Variants in ZMAT4 observed in about 807,000 individuals in gnomAD.
ZMAT4 encodes zinc finger matrin-type 4.
ZMAT4 carries 17 observed loss-of-function variants against 28.7 expected under a neutral mutation model. That is an observed-to-expected ratio of 0.59 (90% CI 0.41 to 0.89). The LOEUF (loss-of-function observed/expected upper bound fraction) is 0.89, where lower values mean the gene tolerates loss of function less well. ZMAT4 is among the 40% of genes least tolerant of loss of function. The pLI is 0.00. For missense variants in ZMAT4, 240 were observed against 283.8 expected (o/e 0.85, Z 1.11); for synonymous variants, 117 against 109.2 (o/e 1.07, Z -0.44).
intron 2 of ZMAT4, among the ~76,000 whole-genome samples, chr8:40,824,054 T>C (rs1459121031): frequency 6.6e-6 from 1 of 152,176 alleles, no homozygotes; most frequent in African/African-American, 2.4e-5. Flanking sequence ...GCAGGGCCCA[T>C]TGACTGTCTT....
At chr8:40,649,264 G>A (rs1807511174) in intron 5 of ZMAT4, among the ~76,000 whole-genome samples, 1 of 151,922 alleles carries the variant, frequency 6.6e-6, no homozygotes, top group Non-Finnish European at 1.5e-5. Flanking sequence ...AAAAAGGCAG[G>A]GGTTGCAATC....
intron 2 of ZMAT4, among the ~76,000 whole-genome samples, chr8:40,792,387 A>T (rs754235493): frequency 1.3e-5 from 2 of 149,380 alleles, no homozygotes; most frequent in African/African-American, 2.5e-5. Context: ...TAATGATAAG[A>T]TTAAAAATCT....
chr8:40,795,024 A>G (rs939632797), intron 2 of ZMAT4, among the ~76,000 whole-genome samples: 2 of 152,166 alleles, frequency 1.3e-5, no homozygotes, highest in Admixed American at 1.3e-4. Flanking sequence ...AACCTAAGAC[A>G]AAGCCTCAGA....
At chr8:40,699,281 C>A (rs2150496444) in intron 3 of ZMAT4, among the ~76,000 whole-genome samples, 1 of 152,192 alleles carries the variant, frequency 6.6e-6, no homozygotes, top group East Asian at 1.9e-4. Flanking sequence ...TGCCTCTTTA[C>A]TACATGCTGG....
chr8:40,581,850 C>T (rs1440383254), intron 5 of ZMAT4, among the ~76,000 whole-genome samples: 1 of 152,186 alleles, frequency 6.6e-6, no homozygotes, highest in Non-Finnish European at 1.5e-5. Flanking sequence ...TTCACTAATA[C>T]AGTATCAACT....
At chr8:40,607,230 T>C (rs942790481) in intron 5 of ZMAT4, among the ~76,000 whole-genome samples, 1 of 148,704 alleles carries the variant, frequency 6.7e-6, no homozygotes. Context: ...GTTCACGCCA[T>C]TCTCCTGCCT....
chr8:40,686,670 G>C (rs1486937497), intron 4 of ZMAT4, among the ~76,000 whole-genome samples: 1 of 151,914 alleles, frequency 6.6e-6, no homozygotes, highest in African/African-American at 2.4e-5. Flanking sequence ...AAAATCATAA[G>C]AGCAACAGGT....
chr8:40,845,652 G>A (rs1816860005), intron 1 of ZMAT4, among the ~76,000 whole-genome samples: 1 of 151,092 alleles, frequency 6.6e-6, no homozygotes, highest in Non-Finnish European at 1.5e-5. Flanking sequence ...AGAACCCCAA[G>A]AGACCACTGG....
intron 5 of ZMAT4, among the ~76,000 whole-genome samples, chr8:40,627,418 A>G (rs527446201): frequency 1.3e-4 from 20 of 152,348 alleles, no homozygotes; most frequent in African/African-American, 4.6e-4. Flanking sequence ...ACAAACGTGT[A>G]TATACATATA....
intron 6 of ZMAT4, among the ~76,000 whole-genome samples, chr8:40,580,855 G>A (rs1804441500): frequency 6.6e-6 from 1 of 151,928 alleles, no homozygotes; most frequent in Non-Finnish European, 1.5e-5. Flanking sequence ...ATCAAAGTTT[G>A]GTACATCCTA....
chr8:40,594,520 T>C (rs1805024003), intron 5 of ZMAT4, among the ~76,000 whole-genome samples: 1 of 152,204 alleles, frequency 6.6e-6, no homozygotes, highest in South Asian at 2.1e-4. Flanking sequence ...CTTATGTGTC[T>C]CTGTTTCCTA....
At chr8:40,811,433 A>G (rs1287297560) in intron 2 of ZMAT4, among the ~76,000 whole-genome samples, 1 of 152,214 alleles carries the variant, frequency 6.6e-6, no homozygotes, top group Non-Finnish European at 1.5e-5. Flanking sequence ...CATAACATCA[A>G]GGTTGACAGC....
intron 3 of ZMAT4, among the ~76,000 whole-genome samples, chr8:40,748,953 G>C (rs1812348694): frequency 6.6e-6 from 1 of 152,102 alleles, no homozygotes; most frequent in African/African-American, 2.4e-5. Context: ...TAATTATGGA[G>C]GCTGTTTCCC....
chr8:40,809,101 TACATAC>T (rs1477101461), intron 2 of ZMAT4, among the ~76,000 whole-genome samples: 1 of 152,142 alleles, frequency 6.6e-6, no homozygotes, highest in African/African-American at 2.4e-5. Flanking sequence ...GGAAGTGTGG[TACATAC>T]ACAGCATGGA....
At chr8:40,729,946 A>G (rs1224898020) in intron 3 of ZMAT4, among the ~76,000 whole-genome samples, 2 of 152,214 alleles carry the variant, frequency 1.3e-5, no homozygotes, top group Non-Finnish European at 2.9e-5. Flanking sequence ...GCATTGATTA[A>G]AACATGGTTG....
rs137962982 is a variant in ZMAT4, at chr8:40,615,833, C to A, written c.578-34572G>T. Among the ~76,000 whole-genome samples the A allele has an allele frequency of 4.8e-4, 73 of 152,212 alleles. 1 individual carries two copies. The highest frequency in any genetic ancestry group is 1.7e-3 in the African/African-American group (70 of 41,532). The stretch of plus-strand genomic sequence containing the variant: ...TATTCTAGTTAGCTATTCGTCTAAT[C>A]TTTTTTCAATGTTTTTAGAAAGCAA... On this transcript the variant is annotated intron_variant, in intron 5 of 6. Coordinates refer to ENST00000297737, the MANE Select transcript of ZMAT4 (RefSeq NM_024645.3).
intron 5 of ZMAT4, among the ~76,000 whole-genome samples, chr8:40,651,755 C>G (rs2118818960): frequency 6.6e-6 from 1 of 150,882 alleles, no homozygotes; most frequent in South Asian, 2.1e-4. Flanking sequence ...TGGAACAGAA[C>G]AGAGCCCTCA....
chr8:40,579,850 C>T (rs1804394211), intron 6 of ZMAT4, among the ~76,000 whole-genome samples: 1 of 151,990 alleles, frequency 6.6e-6, no homozygotes, highest in East Asian at 1.9e-4. Flanking sequence ...TCCTTATGCA[C>T]CAGCCTCTGC....
chr8:40,640,052 C>CT (rs1806952487), intron 5 of ZMAT4, among the ~76,000 whole-genome samples: 2 of 152,134 alleles, frequency 1.3e-5, no homozygotes, highest in African/African-American at 4.8e-5. Context: ...TCATAGTTCA[C>CT]TGTAGCCTCA....
Sources: gnomAD v4.1 joint callset for allele counts (sites outside exome capture counted in the v4.1 genomes callset) on GRCh38, gnomAD v4.1.1 for gene constraint, MANE v1.5 for transcripts, NCBI Gene and HGNC (gene_info 2026-07-23, HGNC 2026-07-21) for gene names.